Variants in ALK observed in about 807,000 individuals in gnomAD.
The protein encoded by ALK is ALK tyrosine kinase receptor.
ALK carries 74 observed loss-of-function variants against 163.1 expected under a neutral mutation model. That is an observed-to-expected ratio of 0.45 (90% CI 0.38 to 0.55). The LOEUF (loss-of-function observed/expected upper bound fraction) is 0.55. ALK is among the 20% of genes least tolerant of loss of function. The pLI is 0.00. For synonymous variants in ALK, 960 were observed against 843.2 expected (o/e 1.14, Z -2.40); for missense variants, 2,063 against 2,105.3 (o/e 0.98, Z 0.39).
chr2:29,682,883 A>G (rs1419033737), intron 3 of ALK, among the ~76,000 whole-genome samples: 1 of 152,180 alleles, frequency 6.6e-6, no homozygotes, highest in African/African-American at 2.4e-5. Context: ...AGGTTGCCAA[A>G]TATAACACAA....
intron 4 of ALK, among the ~76,000 whole-genome samples, chr2:29,450,236 G>A (rs146592399): frequency 1.3e-3 from 199 of 152,234 alleles, no homozygotes; most frequent in African/African-American, 4.6e-3. Context: ...GTTCAAAACC[G>A]CTCAGATGTT....
rs2148352565 is a variant in ALK at position 29,784,218 on chromosome 2, T to C, written c.668-66521A>G. ...ACAGAAAATGAAAGTGTAGACAAAG[T>C]AGACAACAAGACAAAGATGGGATGA... On this transcript the variant is annotated intron_variant, in intron 1 of 28. Coordinates refer to ENST00000389048, the MANE Select transcript of ALK (RefSeq NM_004304.5). 1.3e-5 allele frequency among the ~76,000 whole-genome samples: 2 copies of C among 152,206 alleles called. 1 individual carries two copies. Among genetic ancestry groups the C allele is most frequent in the South Asian group, 4.2e-4 (2 of 4,804 alleles).
rs79262749 is a variant in ALK at position 29,411,268 on chromosome 2, C to T, written c.1155-27409G>A. Among the ~76,000 whole-genome samples, 299 of 152,240 alleles carry T rather than the reference C, an allele frequency of 2.0e-3. 2 individuals are homozygous for T. Among genetic ancestry groups the T allele is most frequent in the African/African-American group, 6.1e-3 (254 of 41,536 alleles). Reference sequence around the variant, plus strand: ...GGAGCTGTCATCTGTGATAACAATGCCTTCTTCTGGATATCTCCTGAGGGC... The same window carrying T: ...GGAGCTGTCATCTGTGATAACAATGTCTTCTTCTGGATATCTCCTGAGGGC... On this transcript the variant is annotated intron_variant, in intron 4 of 28. Coordinates refer to ENST00000389048, the MANE Select transcript of ALK (RefSeq NM_004304.5).
chr2:29,317,062 T>C (rs933561981), intron 8 of ALK, among the ~76,000 whole-genome samples: 9 of 152,236 alleles, frequency 5.9e-5, no homozygotes, highest in African/African-American at 2.2e-4. Flanking sequence ...TGAGTTTTTA[T>C]TTTATGAGAA....
At chr2:29,680,264 A>C (rs972810090) in intron 3 of ALK, among the ~76,000 whole-genome samples, 11 of 151,998 alleles carry the variant, frequency 7.2e-5, no homozygotes. Flanking sequence ...TCTTCAAAAA[A>C]ATTTTGCCCC....
chr2:29,244,111 G>A (rs1664592129), intron 12 of ALK, among the ~76,000 whole-genome samples: 1 of 152,206 alleles, frequency 6.6e-6, no homozygotes, highest in African/African-American at 2.4e-5. Context: ...CCACACACAC[G>A]GGGGGATCTT....
At chr2:29,644,931 T>G (rs1356681140) in intron 3 of ALK, among the ~76,000 whole-genome samples, 1 of 152,168 alleles carries the variant, frequency 6.6e-6, no homozygotes, top group Non-Finnish European at 1.5e-5. Flanking sequence ...GTGTTTAGAT[T>G]TCACTGGCTC....
At chr2:29,892,832 C>T (rs554837565) in intron 1 of ALK, among the ~76,000 whole-genome samples, 1 of 152,304 alleles carries the variant, frequency 6.6e-6, no homozygotes, top group African/African-American at 2.4e-5. Flanking sequence ...TTTAAGTAAG[C>T]TTGTGGTAGA....
At chr2:29,454,003 C>A (rs192463686) in intron 4 of ALK, among the ~76,000 whole-genome samples, 2 of 152,132 alleles carry the variant, frequency 1.3e-5, no homozygotes, top group Admixed American at 6.6e-5. Context: ...AGTGCTCCCC[C>A]AAAAGAGTTC....
chr2:29,531,399 T>C (rs1208597089), intron 4 of ALK, among the ~76,000 whole-genome samples: 5 of 152,120 alleles, frequency 3.3e-5, no homozygotes, highest in Non-Finnish European at 7.4e-5. Flanking sequence ...GTCTTGGTGG[T>C]TGTAGCACAA....
intron 4 of ALK, among the ~76,000 whole-genome samples, chr2:29,421,873 A>T (rs1246747193): frequency 6.6e-6 from 1 of 151,686 alleles, no homozygotes; most frequent in Non-Finnish European, 1.5e-5. Flanking sequence ...CGGAAACTCT[A>T]CAGAACACCC....
intron 1 of ALK, among the ~76,000 whole-genome samples, chr2:29,897,908 G>A (rs952630105): frequency 3.9e-5 from 6 of 152,156 alleles, no homozygotes; most frequent in Non-Finnish European, 8.8e-5. Context: ...AGCCCAGTGT[G>A]CAGGCTTGTG....
At chr2:29,421,024 T>C (rs1670003877) in intron 4 of ALK, among the ~76,000 whole-genome samples, 1 of 151,504 alleles carries the variant, frequency 6.6e-6, no homozygotes, top group Non-Finnish European at 1.5e-5. Context: ...GACCTCTCTG[T>C]CTCCATGCCA....
At chr2:29,579,761 C>T (rs945421555) in intron 3 of ALK, among the ~76,000 whole-genome samples, 4 of 152,046 alleles carry the variant, frequency 2.6e-5, no homozygotes, top group Admixed American at 2.6e-4. Flanking sequence ...TGAAAGACCC[C>T]CTCAGCAAAA....
chr2:29,812,826 G>T (rs1303386302), intron 1 of ALK, among the ~76,000 whole-genome samples: 5 of 152,190 alleles, frequency 3.3e-5, no homozygotes, highest in African/African-American at 7.2e-5. Context: ...CACTTATCAT[G>T]TGTTAGGACT....
At chr2:29,220,254 T>C (rs1669765144) in intron 23 of ALK, among the ~76,000 whole-genome samples, 1 of 152,074 alleles carries the variant, frequency 6.6e-6, no homozygotes, top group African/African-American at 2.4e-5. Context: ...TGAGACCTGG[T>C]TGTTTAAAAG....
intron 3 of ALK, among the ~76,000 whole-genome samples, chr2:29,639,177 C>T (rs1676629234): frequency 6.6e-6 from 1 of 152,146 alleles, no homozygotes; most frequent in South Asian, 2.1e-4. Context: ...TTTAGCCACT[C>T]CCCAGAAAAG....
At chr2:29,684,145 A>T (rs1251784941) in intron 3 of ALK, among the ~76,000 whole-genome samples, 2 of 152,248 alleles carry the variant, frequency 1.3e-5, no homozygotes, top group East Asian at 3.9e-4. Context: ...GTGGTTCATG[A>T]CTTTTCTTAA....
intron 1 of ALK, among the ~76,000 whole-genome samples, chr2:29,811,893 A>T (rs1181028307): frequency 2.6e-5 from 4 of 152,166 alleles, no homozygotes; most frequent in Non-Finnish European, 5.9e-5. Context: ...TATAATGCTA[A>T]GGTGGCAAAG....
Sources: gnomAD v4.1 joint callset for allele counts (sites outside exome capture counted in the v4.1 genomes callset) on GRCh38, gnomAD v4.1.1 for gene constraint, MANE v1.5 for transcripts, NCBI Gene and HGNC (gene_info 2026-07-23, HGNC 2026-07-21) for gene names.